The following CAMKMT variants were observed in gnomAD, a reference collection of about 807,000 sequenced individuals.
The protein encoded by CAMKMT is calmodulin-lysine N-methyltransferase.
CAMKMT carries 53 observed loss-of-function variants against 48.0 expected under a neutral mutation model. The observed-to-expected ratio is 1.10, with a 90% CI of 0.89 to 1.39. CAMKMT has a LOEUF of 1.39. Among genes scored for constraint, CAMKMT ranks in the 40% most tolerant of loss-of-function variants. The pLI is 0.00. For missense variants in CAMKMT, 428 were observed against 402.7 expected (o/e 1.06, Z -0.54); for synonymous variants, 165 against 152.3 (o/e 1.08, Z -0.61).
At chr2:44,533,529 C>G (rs374622247) in intron 3 of CAMKMT, among the ~76,000 whole-genome samples, 1 of 152,118 alleles carries the variant, frequency 6.6e-6, no homozygotes, top group African/African-American at 2.4e-5. Context: ...ATGAGCCACT[C>G]CATCCAGCCA....
chr2:44,608,821 T>G (rs1022988568), intron 3 of CAMKMT, among the ~76,000 whole-genome samples: 1 of 152,216 alleles, frequency 6.6e-6, no homozygotes, highest in African/African-American at 2.4e-5. Context: ...CCTGTAAAAT[T>G]CCCATATTCT....
intron 3 of CAMKMT, among the ~76,000 whole-genome samples, chr2:44,599,889 A>T (rs1670883609): frequency 6.6e-6 from 1 of 151,938 alleles, no homozygotes; most frequent in South Asian, 2.1e-4. Flanking sequence ...GAAGCAATTC[A>T]TTCCAATGTG....
intron 2 of CAMKMT, among the ~76,000 whole-genome samples, chr2:44,374,042 T>C (rs1412133347): frequency 6.9e-6 from 1 of 145,172 alleles, no homozygotes; most frequent in Non-Finnish European, 1.5e-5. Flanking sequence ...AAAGATTGAT[T>C]GAGCCCGGGA....
At chr2:44,665,847 C>T (rs1331293676) in intron 3 of CAMKMT, among the ~76,000 whole-genome samples, 1 of 152,184 alleles carries the variant, frequency 6.6e-6, no homozygotes, top group Non-Finnish European at 1.5e-5. Flanking sequence ...GCAATATGAG[C>T]ACCTGGGTAA....
chr2:44,366,218 T>C (rs1043081887), intron 1 of CAMKMT, among the ~76,000 whole-genome samples: 1 of 152,196 alleles, frequency 6.6e-6, no homozygotes, highest in African/African-American at 2.4e-5. Context: ...ACAAATTTAA[T>C]TTGTTATTTT....
intron 3 of CAMKMT, among the ~76,000 whole-genome samples, chr2:44,419,243 A>C (rs560277561): frequency 6.6e-6 from 1 of 152,328 alleles, no homozygotes; most frequent in South Asian, 2.1e-4. Flanking sequence ...TGAGATTTGA[A>C]ATGTGGACCT....
At chr2:44,401,180 A>G (rs1446944238) in intron 3 of CAMKMT, 2 of 152,144 alleles carry the variant, frequency 1.3e-5, no homozygotes, top group Non-Finnish European at 2.9e-5. Context: ...AAATTTGGAT[A>G]AATATCTCAG....
intron 3 of CAMKMT, among the ~76,000 whole-genome samples, chr2:44,644,390 G>C (rs1410696366): frequency 6.6e-6 from 1 of 152,162 alleles, no homozygotes; most frequent in Non-Finnish European, 1.5e-5. Context: ...TACTCAGATG[G>C]AATGGTAACA....
chr2:44,630,359 C>T (rs1001111996), intron 3 of CAMKMT, among the ~76,000 whole-genome samples: 1 of 152,042 alleles, frequency 6.6e-6, no homozygotes, highest in African/African-American at 2.4e-5. Context: ...GTCTAAAACA[C>T]CAAAAGCAAT....
At chr2:44,586,364 C>G (rs986943042) in intron 3 of CAMKMT, among the ~76,000 whole-genome samples, 4 of 108,906 alleles carry the variant, frequency 3.7e-5, no homozygotes, top group African/African-American at 1.3e-4. Context: ...TTTAATGAAA[C>G]TATTACCACA....
intron 3 of CAMKMT, among the ~76,000 whole-genome samples, chr2:44,419,723 T>A (rs553352241): frequency 9.2e-5 from 14 of 152,148 alleles, no homozygotes; most frequent in Admixed American, 2.0e-4. Context: ...CACAGGCGCA[T>A]GCTAAAAATG....
chr2:44,496,145 A>C (rs541709185), intron 3 of CAMKMT, among the ~76,000 whole-genome samples: 1 of 152,358 alleles, frequency 6.6e-6, no homozygotes, highest in East Asian at 1.9e-4. Context: ...ACAATTTTAC[A>C]CTGTCCTTTA....
intron 1 of CAMKMT, among the ~76,000 whole-genome samples, chr2:44,365,105 A>G (rs938151722): frequency 1.3e-5 from 2 of 152,228 alleles, no homozygotes; most frequent in African/African-American, 2.4e-5. Flanking sequence ...TTCCTATCCT[A>G]TATGCATCTA....
chr2:44,471,763 C>T (rs1314410408), intron 3 of CAMKMT, among the ~76,000 whole-genome samples: 1 of 152,002 alleles, frequency 6.6e-6, no homozygotes, highest in Non-Finnish European at 1.5e-5. Context: ...CTGTCTGCAG[C>T]CTCCACCTCC....
At chr2:44,469,851 G>A (rs577076836) in intron 3 of CAMKMT, among the ~76,000 whole-genome samples, 2 of 149,884 alleles carry the variant, frequency 1.3e-5, no homozygotes, top group South Asian at 2.1e-4. Context: ...TGTTCCTTCT[G>A]GTTTTGTTTT....
intron 3 of CAMKMT, among the ~76,000 whole-genome samples, chr2:44,436,006 G>A (rs1425425324): frequency 6.6e-6 from 1 of 152,178 alleles, no homozygotes; most frequent in Non-Finnish European, 1.5e-5. Flanking sequence ...GGCTCTGTGA[G>A]GTTAAGGAGA....
rs543092443 is a variant in CAMKMT, at chr2:44,627,809, C to T, written c.377-76474C>T. 2.4e-4 allele frequency among the ~76,000 whole-genome samples: 33 copies of T among 138,346 alleles called. No homozygotes were observed. The South Asian group carries it at 3.2e-3, about 14-fold the overall frequency. 90.8% of individuals were successfully genotyped at this position (138,346 alleles called of 152,430 possible). A position where few individuals can be genotyped will look rare whatever the true frequency, so the allele number is the denominator to read the frequency against. ...CTGCCTCCCGGATTCAAGCGATTCT[C>T]ATTCCTCAGCCTCCCGAGTAGCTGG... On this transcript the variant is annotated intron_variant, in intron 3 of 10. Transcript: ENST00000378494.
intron 3 of CAMKMT, among the ~76,000 whole-genome samples, chr2:44,402,796 T>C (rs887547196): frequency 7.3e-5 from 11 of 150,456 alleles, no homozygotes; most frequent in African/African-American, 2.7e-4. Flanking sequence ...GTTGAGTTTT[T>C]TATTTCTATT....
At chr2:44,721,335 T>G (rs1369684310) in intron 7 of CAMKMT, among the ~76,000 whole-genome samples, 1 of 152,150 alleles carries the variant, frequency 6.6e-6, no homozygotes, top group Non-Finnish European at 1.5e-5. Flanking sequence ...ATATGGAACT[T>G]TAGCAGATAT....
Sources: gnomAD v4.1 joint callset for allele counts (sites outside exome capture counted in the v4.1 genomes callset) on GRCh38, gnomAD v4.1.1 for gene constraint, MANE v1.5 for transcripts, NCBI Gene and HGNC (gene_info 2026-07-23, HGNC 2026-07-21) for gene names.